Variants in C2orf42 observed in about 807,000 individuals in gnomAD.
C2orf42 encodes uncharacterized protein C2orf42.
C2orf42 carries 44 observed loss-of-function variants against 58.9 expected under a neutral mutation model. The observed-to-expected ratio is 0.75, with a 90% CI of 0.59 to 0.96. The LOEUF (loss-of-function observed/expected upper bound fraction) is 0.96, where lower values mean the gene tolerates loss of function less well. Among genes scored for constraint, C2orf42 ranks in the 40% least tolerant of loss-of-function variants. C2orf42 has a pLI of 0.00. For missense variants in C2orf42, 630 were observed against 699.2 expected (o/e 0.90, Z 1.12); for synonymous variants, 239 against 265.4 (o/e 0.90, Z 0.97).
At chr2:70,169,247 CCACACA>C (rs35414580) in intron 6 of C2orf42, among the ~76,000 whole-genome samples, 1,441 of 141,096 alleles carry the variant, frequency 0.01, 20 homozygotes, top group African/African-American at 0.031. Flanking sequence ...ATCTCCCTCA[CCACACA>C]CACACACACA....
intron 3 of C2orf42, 23 bp from the exon 4 acceptor site, chr2:70,179,665 A>G (rs1674422725): frequency 1.0e-6 from 1 of 967,210 alleles, no homozygotes; most frequent in Admixed American, 1.8e-5. Context: ...AGATTTCTGA[A>G]TTATTAATCC....
At position 70,150,270 on chromosome 2, in the gene C2orf42, C is replaced by A; in HGVS notation, c.*86G>T. On this transcript the variant is annotated 3_prime_UTR_variant, in exon 10 of 10. Transcript: ENST00000264434. ...AGAGCAGTTTACCAAGGAACAGGGC[C>A]ATCTAAGTGCCTAACTAGCATTTAA... The A allele has an allele frequency of 9.1e-7, 1 of 1,094,538 alleles. No homozygotes were observed. The highest frequency in any genetic ancestry group is 1.3e-5 in the South Asian group (1 of 78,526). The allele number at this position is 1,094,538 out of a possible 1,614,324, so 67.8% of individuals were successfully genotyped here.
At chr2:70,167,143 G>A (rs988317026) in intron 6 of C2orf42, among the ~76,000 whole-genome samples, 8 of 152,074 alleles carry the variant, frequency 5.3e-5, no homozygotes, top group African/African-American at 1.9e-4. Flanking sequence ...TGGATCACCA[G>A]GTCAGGAAAT....
At chr2:70,184,848 T>C (rs944931972) in intron 1 of C2orf42, among the ~76,000 whole-genome samples, 1 of 150,502 alleles carries the variant, frequency 6.6e-6, no homozygotes, top group Non-Finnish European at 1.5e-5. Flanking sequence ...CCCAGCACTT[T>C]GGGAGGCCGA....
Position 70,181,448 on chromosome 2 carries a change from G to T in C2orf42, c.538C>A (p.Leu180Met). 1 of 1,614,066 alleles carries T rather than the reference G, an allele frequency of 6.2e-7. No homozygotes were observed. The highest frequency in any genetic ancestry group is 8.5e-7 in the Non-Finnish European group (1 of 1,180,032). Reference protein sequence around the residue: ...WQLATEPTGPLVQRITKNILV... With the variant: ...WQLATEPTGPMVQRITKNILV... ...ATGTTTTTAGTAATTCTCTGCACCA[G>T]AGGACCTGTGGGTTCCGTGGCCAAC... The change falls in exon 3 of 10, where the codon CTG (leucine) becomes ATG (methionine). Residue 180 changes from leucine to methionine, a missense_variant. Transcript: ENST00000264434.
chr2:70,181,072 G>A, intron 3 of C2orf42, 91 bp downstream of exon 3: 1 of 638,598 alleles, frequency 1.6e-6, no homozygotes, highest in Non-Finnish European at 2.7e-6. Flanking sequence ...TGTTTCTGAA[G>A]GTTGCTAAGA....
intron 8 of C2orf42, among the ~76,000 whole-genome samples, chr2:70,163,029 G>A (rs72900689): frequency 0.2 from 29,684 of 151,100 alleles, 4,078 homozygotes; most frequent in African/African-American, 0.39. Flanking sequence ...CACCATGCCT[G>A]GATAATTTTT....
intron 9 of C2orf42, among the ~76,000 whole-genome samples, chr2:70,154,517 C>T (rs563906850): frequency 7.0e-6 from 1 of 143,052 alleles, no homozygotes; most frequent in South Asian, 2.2e-4. Flanking sequence ...TGCATCTAGA[C>T]AGATTAAAGG....
chr2:70,174,839 T>C (rs1029924045), intron 5 of C2orf42, among the ~76,000 whole-genome samples: 1 of 151,922 alleles, frequency 6.6e-6, no homozygotes, highest in African/African-American at 2.4e-5. Flanking sequence ...TCTGGCTAAT[T>C]TTTTCTATTT....
At chr2:70,183,103 A>G (rs1674685653) in intron 1 of C2orf42, among the ~76,000 whole-genome samples, 168 bp from the exon 2 acceptor site, 1 of 152,148 alleles carries the variant, frequency 6.6e-6, no homozygotes, top group African/African-American at 2.4e-5. Context: ...ACTGTAAGGA[A>G]GGTAAAAAGG....
At chr2:70,153,994 A>C (rs1248308126) in intron 9 of C2orf42, among the ~76,000 whole-genome samples, 2 of 151,452 alleles carry the variant, frequency 1.3e-5, no homozygotes, top group African/African-American at 4.8e-5. Flanking sequence ...TGGAGGTTGC[A>C]GTGAGCCGAG....
intron 9 of C2orf42, among the ~76,000 whole-genome samples, chr2:70,154,562 CA>C (rs1672537717): frequency 6.6e-6 from 1 of 150,444 alleles, no homozygotes; most frequent in African/African-American, 2.4e-5. Flanking sequence ...GACACAAATA[CA>C]ACAGGAATTT....
intron 4 of C2orf42, among the ~76,000 whole-genome samples, chr2:70,177,062 A>T (rs1558678407): frequency 6.6e-6 from 1 of 152,094 alleles, no homozygotes; most frequent in Non-Finnish European, 1.5e-5. Flanking sequence ...ACCTGAAGTC[A>T]GGAGTTTGAG....
At position 70,179,588 on chromosome 2, in the gene C2orf42, G is replaced by C; in HGVS notation, c.878C>G (p.Ser293Cys). The change falls in exon 4 of 10, where the codon TCT becomes TGT. Residue 293 changes from serine to cysteine, a missense_variant. Ser to Cys is a moderately radical substitution (Grantham distance 112). Coordinates refer to ENST00000264434, the MANE Select transcript of C2orf42 (RefSeq NM_017880.3). ...CTTAGAGGCAGTAGACTCACAAGCA[G>C]ATACTGTTGATTCTGAATGGCAACC... ...QLGCHSESTV[S>C]ACESTASKSK... The C allele has an allele frequency of 6.4e-7, 1 of 1,572,874 alleles. No homozygotes were observed. Among genetic ancestry groups the C allele is most frequent in the African/African-American group, 1.3e-5 (1 of 74,166 alleles).
At chr2:70,165,688 G>C (rs17005383) in intron 6 of C2orf42, 53 bp from the exon 7 acceptor site, 97,801 of 927,776 alleles carry the variant, frequency 0.11, 9,270 homozygotes, top group African/African-American at 0.4. Context: ...TGGACTTTCT[G>C]ATGTACAGGG....
At position 70,175,782 on chromosome 2, in the gene C2orf42, A is replaced by C. The variant is rs1558676910; in HGVS notation, c.935-5T>G. 1 of 1,531,312 alleles carries C rather than the reference A, an allele frequency of 6.5e-7. No individual in the cohort carries two copies. Among genetic ancestry groups the C allele is most frequent in the Middle Eastern group, 1.7e-4 (1 of 5,904 alleles). The allele number at this position is 1,531,312 out of a possible 1,614,324, so 94.9% of individuals were successfully genotyped here. ...GTGAACTGTTCATCTGTGCACCTAAACCACAAATCATTACAGGTTTAACAA... is the reference window on the plus strand; with the variant it reads ...GTGAACTGTTCATCTGTGCACCTAACCCACAAATCATTACAGGTTTAACAA... On this transcript the variant is annotated splice_region_variant and splice_polypyrimidine_tract_variant and intron_variant, in intron 4 of 9. Coordinates refer to ENST00000264434, the MANE Select transcript of C2orf42 (RefSeq NM_017880.3).
intron 3 of C2orf42, 63 bp downstream of exon 3, chr2:70,181,100 A>G: frequency 1.1e-6 from 1 of 870,026 alleles, no homozygotes; most frequent in Admixed American, 2.4e-5. Flanking sequence ...CAAATGCATC[A>G]GTGGAACTCT....
intron 6 of C2orf42, among the ~76,000 whole-genome samples, chr2:70,167,454 G>T (rs1673478153): frequency 6.6e-6 from 1 of 151,530 alleles, no homozygotes; most frequent in Non-Finnish European, 1.5e-5. Context: ...TAAAAATTCT[G>T]TCCAGACCAG....
intron 9 of C2orf42, among the ~76,000 whole-genome samples, chr2:70,153,999 G>A (rs952031293): frequency 8.6e-5 from 13 of 151,184 alleles, no homozygotes; most frequent in African/African-American, 3.2e-4. Context: ...GTTGCAGTGA[G>A]CCGAGATCGC....
Sources: gnomAD v4.1 joint callset for allele counts (sites outside exome capture counted in the v4.1 genomes callset) on GRCh38, gnomAD v4.1.1 for gene constraint, MANE v1.5 for transcripts, NCBI Gene and HGNC (gene_info 2026-07-23, HGNC 2026-07-21) for gene names.